Variants in STK3 observed in about 807,000 individuals in gnomAD.
STK3 encodes the protein serine/threonine kinase 3.
In STK3, 41 loss-of-function variants were observed where a neutral mutation model predicts 58.0. The observed-to-expected ratio is 0.71, with a 90% CI of 0.55 to 0.92. STK3 has a LOEUF of 0.92. Ranked by LOEUF, STK3 falls within the 40% of genes least tolerant of loss-of-function variation. The pLI, the probability that STK3 is intolerant of heterozygous loss-of-function variation, is 0.00. For missense variants in STK3, 479 were observed against 602.7 expected (o/e 0.79, Z 2.15); for synonymous variants, 170 against 191.0 (o/e 0.89, Z 0.91).
intron 3 of STK3, chr8:98,427,300 G>T (rs1472634526): frequency 6.6e-6 from 1 of 151,598 alleles, no homozygotes; most frequent in African/African-American, 2.4e-5. Context: ...GTTTCCCGCC[G>T]GCCTCGGCCG....
intron 6 of STK3, among the ~76,000 whole-genome samples, chr8:98,671,292 G>GT (rs1822812807): frequency 6.6e-6 from 1 of 151,956 alleles, no homozygotes; most frequent in East Asian, 1.9e-4. Flanking sequence ...TTACCACCCA[G>GT]AACTATTGTC....
At chr8:98,387,391 C>T (rs907677556) in intron 1 of STK3, among the ~76,000 whole-genome samples, 1 of 152,148 alleles carries the variant, frequency 6.6e-6, no homozygotes, top group Non-Finnish European at 1.5e-5. Context: ...GAATTGGAAA[C>T]CTAAGCATGA....
At chr8:98,356,426 G>A in the STK3 span, among the ~76,000 whole-genome samples, 3 of 152,066 alleles carry the variant, frequency 2.0e-5, no homozygotes, top group Non-Finnish European at 2.9e-5. Flanking sequence ...AGCTTAGTTC[G>A]CAAAAGGACA....
intron 3 of STK3, chr8:98,413,297 A>G (rs143760009): frequency 2.2e-6 from 1 of 453,032 alleles, no homozygotes; most frequent in Non-Finnish European, 4.3e-6. Context: ...TTACAGGCGC[A>G]AGCCACCATG....
At chr8:98,844,915 A>C (rs1486386899) in intron 3 of STK3, among the ~76,000 whole-genome samples, 1 of 152,126 alleles carries the variant, frequency 6.6e-6, no homozygotes, top group Non-Finnish European at 1.5e-5. Flanking sequence ...TGTTTTTTCT[A>C]CTTTCCAATA....
rs1436283363 is a variant in STK3 at position 98,584,708 on chromosome 8, CCCA to C, written c.823-4922_823-4920del. Among the ~76,000 whole-genome samples the C allele has an allele frequency of 1.9e-3, 282 of 150,606 alleles. 1 individual carries two copies. Among genetic ancestry groups the C allele is most frequent in the African/African-American group, 6.4e-3 (263 of 41,004 alleles). On this transcript the variant is annotated intron_variant, in intron 7 of 10. Coordinates refer to ENST00000419617, the MANE Select transcript of STK3 (RefSeq NM_006281.4). Reference sequence around the variant, plus strand: ...CACAATGGTTGAACTAGTTCACAGTCCCACCAACAGTGTAAAAGTGTTCCTATT... The same window carrying C: ...CACAATGGTTGAACTAGTTCACAGTCCCAACAGTGTAAAAGTGTTCCTATT...
In STK3 at chr8:98,545,036, A is replaced by C. The variant is rs1810587728; in HGVS notation, c.1141+2933T>G. ...AAAAGCCCCAGTCTTTCTTTGCTGA[A>C]GCTACTACTCTCCCAGAGTCACCCA... On this transcript the variant is annotated intron_variant, in intron 9 of 10. Coordinates refer to ENST00000419617, the MANE Select transcript of STK3 (RefSeq NM_006281.4). Among the ~76,000 whole-genome samples, 5 of 152,124 alleles carry C rather than the reference A, an allele frequency of 3.3e-5. No homozygotes were observed. In the South Asian group the frequency reaches 1.0e-3, roughly 32 times the overall value.
intron 1 of STK3, among the ~76,000 whole-genome samples, chr8:98,909,896 T>C (rs183127855): frequency 4.2e-4 from 64 of 152,376 alleles, no homozygotes; most frequent in African/African-American, 1.4e-3. Flanking sequence ...GGTAATACTA[T>C]GTTTAATCAT....
At chr8:98,719,383 C>A (rs1404884241) in intron 4 of STK3, among the ~76,000 whole-genome samples, 1 of 152,124 alleles carries the variant, frequency 6.6e-6, no homozygotes, top group African/African-American at 2.4e-5. Flanking sequence ...TTTCTATTAA[C>A]TCTGATTTGT....
At chr8:98,638,711 A>G (rs1332559316) in intron 6 of STK3, among the ~76,000 whole-genome samples, 1 of 152,210 alleles carries the variant, frequency 6.6e-6, no homozygotes, top group African/African-American at 2.4e-5. Flanking sequence ...GAGACCACTA[A>G]GAGGCAAAGG....
intron 6 of STK3, among the ~76,000 whole-genome samples, chr8:98,634,058 A>T (rs1364247183): frequency 6.6e-6 from 1 of 152,216 alleles, no homozygotes; most frequent in Non-Finnish European, 1.5e-5. Context: ...GACGAAAAGA[A>T]GGGGATATTA....
intron 1 of STK3, among the ~76,000 whole-genome samples, chr8:98,805,044 T>C (rs1482951117): frequency 1.3e-5 from 2 of 152,338 alleles, no homozygotes; most frequent in East Asian, 3.9e-4. Flanking sequence ...GGGGTAGTTT[T>C]GTTTCTTGCA....
intron 1 of STK3, among the ~76,000 whole-genome samples, chr8:98,816,533 C>CA (rs1834556378): frequency 6.6e-6 from 1 of 151,142 alleles, no homozygotes; most frequent in African/African-American, 2.4e-5. Context: ...AACAAACAAA[C>CA]AAACAAAACA....
At chr8:98,743,445 T>C (rs1304845003) in intron 4 of STK3, among the ~76,000 whole-genome samples, 1 of 152,148 alleles carries the variant, frequency 6.6e-6, no homozygotes, top group Non-Finnish European at 1.5e-5. Context: ...TCTACAACTA[T>C]CTGATCTTTG....
intron 3 of STK3, among the ~76,000 whole-genome samples, chr8:98,852,782 G>A (rs1836525894): frequency 6.6e-6 from 1 of 152,138 alleles, no homozygotes; most frequent in African/African-American, 2.4e-5. Context: ...CATAGCTGTG[G>A]CTTTCTCCCT....
chr8:98,347,534 CA>C, the STK3 span, among the ~76,000 whole-genome samples: 1 of 146,288 alleles, frequency 6.8e-6, no homozygotes, highest in East Asian at 2.0e-4. Flanking sequence ...CAAAAAAAAC[CA>C]AAAAAAACCA....
chr8:98,377,879 G>A (rs888236644), intron 2 of STK3, among the ~76,000 whole-genome samples: 5 of 152,176 alleles, frequency 3.3e-5, no homozygotes, highest in Non-Finnish European at 5.9e-5. Context: ...GGAGGGAAAC[G>A]TGTTTCTTTA....
intron 1 of STK3, among the ~76,000 whole-genome samples, chr8:98,886,242 A>G (rs1156536268): frequency 2.0e-5 from 3 of 152,200 alleles, no homozygotes; most frequent in Non-Finnish European, 2.9e-5. Flanking sequence ...AGATCTGTCA[A>G]TTGTACCAAT....
At chr8:98,393,841 A>C (rs1817871439) in intron 3 of STK3, 1 of 152,144 alleles carries the variant, frequency 6.6e-6, no homozygotes, top group African/African-American at 2.4e-5. Context: ...GAGGAAGCCC[A>C]TCTAATTCCA....
Sources: allele counts gnomAD v4.1 joint callset (sites outside exome capture counted in the v4.1 genomes callset), GRCh38; gene constraint gnomAD v4.1.1; transcripts MANE v1.5; gene names NCBI Gene and HGNC (gene_info 2026-07-23, HGNC 2026-07-21).